SPACA6: variants seen among roughly 807,000 people sequenced by gnomAD.
SPACA6 encodes the protein sperm acrosome membrane-associated protein 6.
For synonymous variants in SPACA6, 6 were observed against 1.5 expected (o/e 4.05, Z -2.21); for missense variants, 8 against 2.8 (o/e 2.88, Z -1.34).
At chr19:51,704,596 C>T (rs544035827) in intron 8 of SPACA6, 116 bp downstream of exon 8, 88 of 399,662 alleles carry the variant, frequency 2.2e-4, no homozygotes, top group Non-Finnish European at 3.1e-4. Context: ...TCAGTTCCTC[C>T]TCTCTCAGAC....
At chr19:51,690,794 G>A (rs911246907), upstream of SPACA6, among the ~76,000 whole-genome samples, 4 of 152,034 alleles carry the variant, frequency 2.6e-5, no homozygotes, top group African/African-American at 9.7e-5. Context: ...GCTTAGGTCC[G>A]GGGAATCTCT....
rs189164721 is a variant in SPACA6, at chr19:51,710,716, G to A, written n.200-1317G>A. ...GCACAAGGGAAATGGGTATAGATGGGTAAGAGACGAGGATGAGAGGATCCA... is the reference window on the plus strand; with the variant it reads ...GCACAAGGGAAATGGGTATAGATGGATAAGAGACGAGGATGAGAGGATCCA... On this transcript the variant is annotated intron_variant and non_coding_transcript_variant, in intron 2 of 2. Transcript: ENST00000573896. Among the ~76,000 whole-genome samples, 506 of 152,288 alleles carry A rather than the reference G, an allele frequency of 3.3e-3. 3 individuals carry two copies. The highest frequency in any genetic ancestry group is 5.5e-3 in the Non-Finnish European group (374 of 68,028).
chr19:51,709,262 A>C (rs1177952550), downstream of SPACA6, among the ~76,000 whole-genome samples: 1 of 151,532 alleles, frequency 6.6e-6, no homozygotes, highest in Non-Finnish European at 1.5e-5. Context: ...TCATGCCTGC[A>C]ATCCCAGCAC....
upstream of SPACA6, among the ~76,000 whole-genome samples, chr19:51,689,928 G>A (rs1463977576): frequency 6.6e-6 from 1 of 151,516 alleles, no homozygotes; most frequent in Admixed American, 6.6e-5. Context: ...CTGCGGCAGC[G>A]GAAGGGTTAA....
downstream of SPACA6, chr19:51,705,335 C>A (rs1245791270): frequency 1.3e-5 from 5 of 376,940 alleles, no homozygotes; most frequent in Non-Finnish European, 2.4e-5. Context: ...AACCCAGATA[C>A]CCCCTCAGGT....
At chr19:51,685,043 G>A (rs568004423), upstream of SPACA6, among the ~76,000 whole-genome samples, 25 of 152,128 alleles carry the variant, frequency 1.6e-4, no homozygotes, top group Admixed American at 3.9e-4. Flanking sequence ...CTCATGACCC[G>A]GTGCCGCCTG....
chr19:51,684,917 T>G (rs1181195866), upstream of SPACA6, among the ~76,000 whole-genome samples: 1 of 152,214 alleles, frequency 6.6e-6, no homozygotes, highest in Non-Finnish European at 1.5e-5. Context: ...TCTAGGATTA[T>G]CTTGGGTTTG....
downstream of SPACA6, among the ~76,000 whole-genome samples, chr19:51,708,505 A>G (rs2083526841): frequency 6.6e-6 from 1 of 152,148 alleles, no homozygotes; most frequent in Non-Finnish European, 1.5e-5. Flanking sequence ...GGATGACGGT[A>G]TGAGCCATTA....
chr19:51,692,336 C>T (rs1299545653), upstream of SPACA6, among the ~76,000 whole-genome samples: 2 of 152,130 alleles, frequency 1.3e-5, no homozygotes, highest in South Asian at 2.1e-4. This position sits in a 1 kb window ranked among gnomAD's most constrained non-coding sequence, Gnocchi z 5.6. Flanking sequence ...GGCAGGGACT[C>T]CTGGGTCTCT....
chr19:51,702,264 A>T (rs1018744123), intron 3 of SPACA6, among the ~76,000 whole-genome samples: 3 of 151,692 alleles, frequency 2.0e-5, no homozygotes, highest in African/African-American at 4.9e-5. Flanking sequence ...CTCTTCTCTA[A>T]CTGGGCCACC....
intron 2 of SPACA6, among the ~76,000 whole-genome samples, chr19:51,701,163 G>A (rs570287662): frequency 3.3e-5 from 5 of 152,010 alleles, no homozygotes; most frequent in East Asian, 1.9e-4. Flanking sequence ...CGGAGGTTGC[G>A]GTGAGCCGAG....
intron 1 of SPACA6, chr19:51,694,243 CAG>C: frequency 2.7e-6 from 1 of 369,418 alleles, no homozygotes; most frequent in Non-Finnish European, 4.8e-6. Context: ...GAGAGGAGGA[CAG>C]AGATGAGGCA....
chr19:51,706,753 G>C (rs543881408), downstream of SPACA6, among the ~76,000 whole-genome samples: 2 of 151,896 alleles, frequency 1.3e-5, no homozygotes, highest in African/African-American at 2.4e-5. Context: ...TCCACCTCCC[G>C]GGTTCAAGCG....
chr19:51,710,216 CTT>C (rs1010489378), downstream of SPACA6, among the ~76,000 whole-genome samples: 51 of 152,354 alleles, frequency 3.3e-4, no homozygotes, highest in Non-Finnish European at 5.0e-4. Flanking sequence ...ACTCTTAACT[CTT>C]TGTTTACTTG....
At chr19:51,694,427 G>A (rs987930551) in intron 1 of SPACA6, 51 bp from the exon 2 acceptor site, 34 of 398,736 alleles carry the variant, frequency 8.5e-5, no homozygotes, top group Admixed American at 4.4e-4. Flanking sequence ...TAGGGACATG[G>A]TGTTGCGGGG....
At chr19:51,686,715 C>T (rs771872580), upstream of SPACA6, 1 of 152,146 alleles carries the variant, frequency 6.6e-6, no homozygotes, top group Non-Finnish European at 1.5e-5. Flanking sequence ...TTGGGCAACT[C>T]GCTATTCAGA....
At chr19:51,689,333 C>G (rs1268277033), upstream of SPACA6, 1 of 149,474 alleles carries the variant, frequency 6.7e-6, no homozygotes, top group Non-Finnish European at 1.5e-5. Context: ...GGGGCTGGTC[C>G]GACGGCCGCG....
chr19:51,705,790 G>A (rs1294533565), downstream of SPACA6, among the ~76,000 whole-genome samples: 2 of 151,948 alleles, frequency 1.3e-5, no homozygotes, highest in East Asian at 1.9e-4. Context: ...TCCACCTCCC[G>A]GGTTCAAGCG....
upstream of SPACA6, chr19:51,688,316 C>T (rs1033243506): frequency 1.3e-5 from 2 of 152,702 alleles, no homozygotes; most frequent in African/African-American, 4.8e-5. Flanking sequence ...CCTGGAAGGG[C>T]CTTAGTGGAG....
Sources: gnomAD v4.1 joint callset for allele counts (sites outside exome capture counted in the v4.1 genomes callset) on GRCh38, gnomAD v4.1.1 for gene constraint, Gnocchi (gnomAD v3.1) non-coding constraint, MANE v1.5 for transcripts, NCBI Gene and HGNC (gene_info 2026-07-23, HGNC 2026-07-21) for gene names.